The following GAPDH variants were observed in gnomAD, a reference collection of about 807,000 sequenced individuals.
GAPDH encodes the protein glyceraldehyde-3-phosphate dehydrogenase, also known as OCAS, p38 component.
In GAPDH, 13 loss-of-function variants were observed where a neutral mutation model predicts 31.2. That is an observed-to-expected ratio of 0.42 (90% CI 0.27 to 0.66). The LOEUF (loss-of-function observed/expected upper bound fraction) is 0.66, where lower values mean the gene tolerates loss of function less well. Among genes scored for constraint, GAPDH ranks in the 30% least tolerant of loss-of-function variants. The probability of loss-of-function intolerance (pLI) is 0.26; values close to 1 mark genes in which losing one functional copy is unlikely to be tolerated. For synonymous variants in GAPDH, 211 were observed against 166.9 expected, an observed-to-expected ratio of 1.26 and a Z score of -2.04; for missense variants, 300 against 443.7, an observed-to-expected ratio of 0.68 and a Z score of 2.91.
In GAPDH at chr12:6,535,242, A is replaced by T. The variant is rs1164309527; in HGVS notation, c.29+381A>T. 7 of 1,072,586 alleles carry T rather than the reference A, an allele frequency of 6.5e-6. No individual in the cohort carries two copies. In the East Asian group the frequency reaches 2.1e-4, roughly 31 times the overall value. 66.4% of individuals were successfully genotyped at this position (1,072,586 alleles called of 1,614,324 possible). On this transcript the variant is annotated intron_variant, in intron 2 of 8. Transcript: ENST00000229239. ...CCGGCACCGCAGGCCCCGGGATGCT[A>T]GTGCGCAGCGGGTGCATCCCTGTCC...
chr12:6,535,131 A>T (rs1191756868), intron 2 of GAPDH: 1 of 926,564 alleles, frequency 1.1e-6, no homozygotes, highest in Non-Finnish European at 1.5e-6. Flanking sequence ...CGAGATCCCG[A>T]CCCGGACCCC....
rs1362388227 is a variant in GAPDH, at chr12:6,537,119, G to A, written c.346G>A (p.Ala116Thr). The A allele has an allele frequency of 6.2e-7, 1 of 1,613,858 alleles. No individual in the cohort carries two copies. Among genetic ancestry groups the A allele is most frequent in the Non-Finnish European group, 8.5e-7 (1 of 1,179,930 alleles). The change falls in exon 6 of 9, where the codon GCC becomes ACC. Residue 116 changes from alanine (A) to threonine (T), a missense_variant. Coordinates refer to ENST00000229239, the MANE Select transcript of GAPDH (RefSeq NM_002046.7). This position sits in a 1 kb window ranked among gnomAD's most constrained non-coding sequence, Gnocchi z 4.9. The stretch of plus-strand genomic sequence containing the variant: ...GCTGTAGGCTCATTTGCAGGGGGGA[G>A]CCAAAAGGGTCATCATCTCTGCCCC... Reference protein sequence around the residue: ...EKAGAHLQGGAKRVIISAPSA... With the variant: ...EKAGAHLQGGTKRVIISAPSA...
Position 6,534,588 on chromosome 12 carries a change from A to C in GAPDH, c.-24+19A>C. 1 of 556,946 alleles carries C rather than the reference A, an allele frequency of 1.8e-6. No homozygotes were observed. The allele number at this position is 556,946 out of a possible 1,614,324, so 34.5% of individuals were successfully genotyped here. Reference sequence around the variant, plus strand: ...TCGCCAGGTGAAGACGGGCGGAGAGAAACCCGGGAGGCTAGGGACGGCCTG... The same window carrying C: ...TCGCCAGGTGAAGACGGGCGGAGAGCAACCCGGGAGGCTAGGGACGGCCTG... On this transcript the variant is annotated intron_variant, in intron 1 of 8. Coordinates refer to ENST00000229239, the MANE Select transcript of GAPDH (RefSeq NM_002046.7).
In GAPDH at chr12:6,537,024, G is replaced by A; in HGVS notation, c.327+14G>A. ...GAGAAGGCTGGGGTGAGTGCAGGAG[G>A]GCCCGCGGGAGGGGAAGCTGACTCA... On this transcript the variant is annotated intron_variant, in intron 5 of 8. Transcript: ENST00000229239. The surrounding 1 kb of genome is among the most constrained non-coding windows in gnomAD (Gnocchi z 4.9). The A allele has an allele frequency of 2.5e-6, 4 of 1,610,910 alleles. No homozygotes were observed. The highest frequency in any genetic ancestry group is 1.7e-6 in the Non-Finnish European group (2 of 1,178,684).
At position 6,537,062 on chromosome 12, in the gene GAPDH, C is replaced by T; in HGVS notation, c.328-39C>T. 6.2e-7 allele frequency: 1 copy of T among 1,607,568 alleles called. No individual in the cohort carries two copies. Among genetic ancestry groups the T allele is most frequent in the Non-Finnish European group, 8.5e-7 (1 of 1,176,492 alleles). ...GGAAGCTGACTCAGCCCTGCAAAGG[C>T]AGGACCCGGGTTCATAACTGTCTGC... On this transcript the variant is annotated intron_variant, in intron 5 of 8. Coordinates refer to ENST00000229239, the MANE Select transcript of GAPDH (RefSeq NM_002046.7). This position sits in a 1 kb window ranked among gnomAD's most constrained non-coding sequence, Gnocchi z 4.9.
At position 6,538,220 on chromosome 12, in the gene GAPDH, C is replaced by T. The variant is rs373079410; in HGVS notation, c.*50C>T. On this transcript the variant is annotated 3_prime_UTR_variant, in exon 9 of 9. Transcript: ENST00000229239. ...AAGAGCACAAGAGGAAGAGAGAGAC[C>T]CTCACTGCTGGGGAGTCCCTGCCAC... 5 of 1,470,820 alleles carry T rather than the reference C, an allele frequency of 3.4e-6. No individual in the cohort carries two copies. The African/African-American group carries it at 4.2e-5, about 12-fold the overall frequency. The allele number at this position is 1,470,820 out of a possible 1,614,324, so 91.1% of individuals were successfully genotyped here.
At chr12:6,535,144 G>T in intron 2 of GAPDH, 2 of 998,080 alleles carry the variant, frequency 2.0e-6, no homozygotes, top group Non-Finnish European at 2.7e-6. Context: ...CGGACCCCTA[G>T]GTGGGGGACG....
Position 6,534,877 on chromosome 12 carries a change from G to A in GAPDH, c.29+16G>A, listed in dbSNP as rs772459284. The A allele has an allele frequency of 1.1e-5, 17 of 1,612,362 alleles. 1 individual carries two copies. The South Asian group carries it at 1.8e-4, about 17-fold the overall frequency. ...GAGTCAACGGGTGAGTTCGCGGGTG[G>A]CTGGGGGGCCCTGGGCTGCGACCGC... On this transcript the variant is annotated intron_variant, in intron 2 of 8. Transcript: ENST00000229239.
Position 6,537,241 on chromosome 12 carries a change from A to C in GAPDH, c.443+25A>C, listed in dbSNP as rs369572357. The C allele has an allele frequency of 6.3e-7, 1 of 1,598,106 alleles. No homozygotes were observed. On this transcript the variant is annotated intron_variant, in intron 6 of 8. Coordinates refer to ENST00000229239, the MANE Select transcript of GAPDH (RefSeq NM_002046.7). This position sits in a 1 kb window ranked among gnomAD's most constrained non-coding sequence, Gnocchi z 4.9. ...GGTGAGGAAGGCAGGGCCCGTGGAGAAGCGGCCAGCCTGGCACCCTATGGA... is the reference window on the plus strand; with the variant it reads ...GGTGAGGAAGGCAGGGCCCGTGGAGCAGCGGCCAGCCTGGCACCCTATGGA...
chr12:6,537,315 C>T lies in GAPDH; in HGVS notation c.450C>T (p.Ala150=), dbSNP rs972210459. 2.5e-6 allele frequency: 4 copies of T among 1,611,216 alleles called. No homozygotes were observed. Among genetic ancestry groups the T allele is most frequent in the African/African-American group, 1.3e-5 (1 of 75,046 alleles). The change falls in exon 7 of 9, where the codon GCC becomes GCT. Residue 150 remains alanine (A), a synonymous_variant. Coordinates refer to ENST00000229239, the MANE Select transcript of GAPDH (RefSeq NM_002046.7). This position sits in a 1 kb window ranked among gnomAD's most constrained non-coding sequence, Gnocchi z 4.9. ...YDNSLKIISN[A]SCTTNCLAPL... ...GCTCCCTCTTTCTTTGCAGCAATGC[C>T]TCCTGCACCACCAACTGCTTAGCAC...
intron 2 of GAPDH, 165 bp downstream of exon 2, chr12:6,535,026 G>A (rs977435564): frequency 2.3e-6 from 2 of 887,224 alleles, no homozygotes; most frequent in Non-Finnish European, 1.7e-6. Flanking sequence ...CCCGCACCCA[G>A]GCTGTGGCGC....
In GAPDH at chr12:6,534,523, T is replaced by A. The variant is rs1302454969; in HGVS notation, c.-70T>A. 6.5e-6 allele frequency: 3 copies of A among 461,044 alleles called. No homozygotes were observed. The highest frequency in any genetic ancestry group is 1.2e-5 in the Non-Finnish European group (3 of 253,260). The allele number at this position is 461,044 out of a possible 1,614,324, so 28.6% of individuals were successfully genotyped here. ...GCCCGCAGCCTCCCGCTTCGCTCTC[T>A]GCTCCTCCTGTTCGACAGTCAGCCG... is the stretch of plus-strand genomic sequence containing the variant. On this transcript the variant is annotated 5_prime_UTR_variant, in exon 1 of 9. Transcript: ENST00000229239.
At chr12:6,536,462 C>G in intron 2 of GAPDH, 32 bp from the exon 3 acceptor site, 4 of 1,531,466 alleles carry the variant, frequency 2.6e-6, no homozygotes, top group East Asian at 4.5e-5. Flanking sequence ...GGAGCCTCCC[C>G]TCCTCATGCC....
At chr12:6,536,446 T>C (rs747202336) in intron 2 of GAPDH, 48 bp from the exon 3 acceptor site, 2 of 1,387,568 alleles carry the variant, frequency 1.4e-6, no homozygotes, top group East Asian at 4.6e-5. Context: ...GCTCACATAT[T>C]CTGGAGGAGC....
chr12:6,534,996 G>A, intron 2 of GAPDH, 135 bp downstream of exon 2: 1 of 1,071,992 alleles, frequency 9.3e-7, no homozygotes, highest in Non-Finnish European at 1.4e-6. Context: ...CTCAAGGTCA[G>A]CGCTCGGACC....
In GAPDH at chr12:6,535,003, G is replaced by C. The variant is rs868229918; in HGVS notation, c.29+142G>C. The C allele has an allele frequency of 3.7e-5, 37 of 1,009,114 alleles. No homozygotes were observed. The Middle Eastern group carries it at 6.4e-4, about 18-fold the overall frequency. The allele number at this position is 1,009,114 out of a possible 1,614,324, so 62.5% of individuals were successfully genotyped here. A position where few individuals can be genotyped will look rare whatever the true frequency, so the allele number is the denominator to read the frequency against. On this transcript the variant is annotated intron_variant, in intron 2 of 8. Coordinates refer to ENST00000229239, the MANE Select transcript of GAPDH (RefSeq NM_002046.7). Reference sequence around the variant, plus strand: ...AAGGAGAGCTCAAGGTCAGCGCTCGGACCTGGCGGAGCCCCGCACCCAGGC... The same window carrying C: ...AAGGAGAGCTCAAGGTCAGCGCTCGCACCTGGCGGAGCCCCGCACCCAGGC...
intron 8 of GAPDH, 42 bp downstream of exon 8, chr12:6,538,038 G>C (rs772613189): frequency 1.3e-6 from 2 of 1,597,172 alleles, no homozygotes; most frequent in Admixed American, 1.8e-5. Context: ...AAAAGTGCAG[G>C]GTCTGGCGCC....
chr12:6,536,479 C>T lies in GAPDH; in HGVS notation c.30-15C>T, dbSNP rs767525975. The T allele has an allele frequency of 2.3e-5, 36 of 1,599,464 alleles. 1 individual carries two copies. Among genetic ancestry groups the T allele is most frequent in the South Asian group, 8.8e-5 (8 of 90,684 alleles). ...AGCCTCCCCTCCTCATGCCTTCTTGCCTCTTGTCTCTTAGATTTGGTCGTA... is the reference window on the plus strand; with the variant it reads ...AGCCTCCCCTCCTCATGCCTTCTTGTCTCTTGTCTCTTAGATTTGGTCGTA... On this transcript the variant is annotated splice_polypyrimidine_tract_variant and intron_variant, in intron 2 of 8. Transcript: ENST00000229239.
Position 6,534,806 on chromosome 12 carries a change from GC to G in GAPDH, c.-23-3del. 3 of 1,611,078 alleles carry G rather than the reference GC, an allele frequency of 1.9e-6. No individual in the cohort carries two copies. Among genetic ancestry groups the G allele is most frequent in the Non-Finnish European group, 2.5e-6 (3 of 1,179,454 alleles). ...GGCGCTCACTGTTCTCTCCCTCCGCGCAGCCGAGCCACATCGCTCAGACACC... is the reference window on the plus strand; with the variant it reads ...GGCGCTCACTGTTCTCTCCCTCCGCGAGCCGAGCCACATCGCTCAGACACC... On this transcript the variant is annotated splice_polypyrimidine_tract_variant and splice_region_variant and intron_variant, in intron 1 of 8. Transcript: ENST00000229239.
Sources: gnomAD v4.1 joint callset for allele counts on GRCh38, gnomAD v4.1.1 for gene constraint, Gnocchi (gnomAD v3.1) non-coding constraint, MANE v1.5 for transcripts, NCBI Gene and HGNC (gene_info 2026-07-23, HGNC 2026-07-21) for gene names.